SMTN: variants seen among roughly 807,000 people sequenced by gnomAD.
The protein encoded by SMTN is smoothelin.
In SMTN, 58 loss-of-function variants were observed where a neutral mutation model predicts 102.0. The observed-to-expected ratio is 0.57, with a 90% confidence interval of 0.46 to 0.71. The LOEUF is 0.71. Ranked by LOEUF, SMTN falls within the 30% of genes least tolerant of loss-of-function variation. The pLI is 0.00. For missense variants in SMTN, 1,185 were observed against 1,241.7 expected (o/e 0.95, Z 0.69); for synonymous variants, 478 against 497.9 (o/e 0.96, Z 0.53).
At chr22:31,082,372 T>G in intron 1 of SMTN, 1 of 365,674 alleles carries the variant, frequency 2.7e-6, no homozygotes, top group Non-Finnish European at 5.7e-6. Flanking sequence ...TCACTGAGAG[T>G]GTTCCAGGCC....
At chr22:31,084,938 C>T in intron 2 of SMTN, 1 of 1,361,360 alleles carries the variant, frequency 7.3e-7, no homozygotes, top group Non-Finnish European at 9.4e-7. Flanking sequence ...CGGGCTCCTC[C>T]CCGCGGGGCC....
intron 16 of SMTN, among the ~76,000 whole-genome samples, chr22:31,098,228 G>A (rs2043755569): frequency 6.6e-6 from 1 of 152,254 alleles, no homozygotes; most frequent in South Asian, 2.1e-4. Context: ...GTTACTGCCA[G>A]AGGTCTCAGT....
intron 3 of SMTN, 159 bp downstream of exon 3, chr22:31,088,272 G>A: frequency 1.0e-6 from 1 of 957,030 alleles, no homozygotes; most frequent in South Asian, 1.7e-5. Flanking sequence ...GATGTTTGTG[G>A]GCATGGAGCA....
At chr22:31,099,236 T>A (rs762235044) in intron 18 of SMTN, 57 bp downstream of exon 18, 11 of 1,124,836 alleles carry the variant, frequency 9.8e-6, no homozygotes, top group Non-Finnish European at 1.5e-5. Context: ...GCTCAACACC[T>A]CCTTCTTAGC....
At chr22:31,089,293 G>A (rs906635117) in intron 6 of SMTN, among the ~76,000 whole-genome samples, 1 of 152,142 alleles carries the variant, frequency 6.6e-6, no homozygotes, top group Non-Finnish European at 1.5e-5. Flanking sequence ...GGCCATGCAG[G>A]TTCCCCAAGT....
At chr22:31,097,109 T>TC (rs1373047276) in intron 15 of SMTN, 49 bp downstream of exon 15, 21 of 1,573,606 alleles carry the variant, frequency 1.3e-5, no homozygotes, top group Non-Finnish European at 1.8e-5. Flanking sequence ...TCCGCCCACC[T>TC]CCTCCGGCTC....
rs1350650787 is a variant in SMTN at position 31,104,346 on chromosome 22, G to A, written c.*51G>A. 5.0e-6 allele frequency: 8 copies of A among 1,614,090 alleles called. No individual in the cohort carries two copies. Among genetic ancestry groups the A allele is most frequent in the Non-Finnish European group, 6.8e-6 (8 of 1,180,034 alleles). ...TGGTGGACTGTGTGCCCCTGGTGGA[G>A]GTGGACGACATGATGATCATGGGCA... On this transcript the variant is annotated 3_prime_UTR_variant, in exon 21 of 21. Transcript: ENST00000333137.
chr22:31,093,964 C>G, intron 11 of SMTN: 1 of 887,894 alleles, frequency 1.1e-6, no homozygotes, highest in South Asian at 1.7e-5. Flanking sequence ...CTTCTCTGAG[C>G]CTCAGTTTAT....
chr22:31,088,948 A>G lies in SMTN; in HGVS notation c.450A>G (p.Ala150=), dbSNP rs1245335712. 3 of 1,613,726 alleles carry G rather than the reference A, an allele frequency of 1.9e-6. No homozygotes were observed. The highest frequency in any genetic ancestry group is 3.3e-5 in the Admixed American group (2 of 60,024). The change falls in exon 6 of 21, where the codon GCA becomes GCG. Residue 150 remains alanine (A), a synonymous_variant. Transcript: ENST00000333137. ...GAGAGGACAGCAAGGGGCTAGCGGCACACAGGCTGGAACAGTGTGAGGTAA... is the reference window on the plus strand; with the variant it reads ...GAGAGGACAGCAAGGGGCTAGCGGCGCACAGGCTGGAACAGTGTGAGGTAA... ...GSREDSKGLA[A]HRLEQCEVPE...
chr22:31,101,041 G>A lies in SMTN; in HGVS notation c.*12G>A. ...CCAAAAAGTCCTAACCCCTGCTCGG[G>A]GCCCCACGGTGAGAAACGCCGCCTC... On this transcript the variant is annotated 3_prime_UTR_variant, in exon 20 of 21. Transcript: ENST00000333137. The A allele has an allele frequency of 6.3e-7, 1 of 1,599,146 alleles. No individual in the cohort carries two copies. The highest frequency in any genetic ancestry group is 8.5e-7 in the Non-Finnish European group (1 of 1,170,244).
At chr22:31,084,697 T>C (rs936975920) in intron 2 of SMTN, among the ~76,000 whole-genome samples, 3 of 152,210 alleles carry the variant, frequency 2.0e-5, no homozygotes, top group Admixed American at 1.3e-4. Context: ...CTCCCTCTCT[T>C]AAGCGAGGCT....
chr22:31,085,728 A>T (rs1006024974), intron 2 of SMTN, among the ~76,000 whole-genome samples: 15 of 152,176 alleles, frequency 9.9e-5, no homozygotes, highest in Admixed American at 7.2e-4. Context: ...CAGAGGAGAC[A>T]CTGTGGTCCA....
Position 31,091,313 on chromosome 22 carries a change from A to T in SMTN, c.1290A>T (p.Ala430=), listed in dbSNP as rs1602633386. The change falls in exon 10 of 21, where the codon GCA becomes GCT. Residue 430 remains alanine (A), a synonymous_variant. Coordinates refer to ENST00000333137, the MANE Select transcript of SMTN (RefSeq NM_134269.3). ...CTGCTAGGCCCCTTGAAAACAGAGC[A>T]GGGGGGCCTGTGGCACGTTCAGAGG... ...GLAARPLENR[A]GGPVARSEEP... The T allele has an allele frequency of 6.2e-7, 1 of 1,604,430 alleles. No individual in the cohort carries two copies. Among genetic ancestry groups the T allele is most frequent in the Non-Finnish European group, 8.5e-7 (1 of 1,176,954 alleles).
At chr22:31,078,914 C>T (rs932940663), upstream of SMTN, among the ~76,000 whole-genome samples, 1 of 152,176 alleles carries the variant, frequency 6.6e-6, no homozygotes, top group African/African-American at 2.4e-5. Context: ...AAGTGTGACA[C>T]ACAGTTTATA....
intron 1 of SMTN, 93 bp from the exon 2 acceptor site, chr22:31,083,086 T>G: frequency 6.6e-7 from 1 of 1,512,220 alleles, no homozygotes; most frequent in South Asian, 1.2e-5. Context: ...TAATGGACGC[T>G]CCTAGGTTAG....
Position 31,090,835 on chromosome 22 carries a change from G to A in SMTN, c.893G>A (p.Arg298His), listed in dbSNP as rs1325266385. 11 of 1,613,458 alleles carry A rather than the reference G, an allele frequency of 6.8e-6. No homozygotes were observed. In the African/African-American group the frequency reaches 1.1e-4, roughly 16 times the overall value. ...GTGGCTGGACCCCGACCCTGCCAACGCTCCCTGTCGGTGCTCAGCCCCCGC... is the reference window on the plus strand; with the variant it reads ...GTGGCTGGACCCCGACCCTGCCAACACTCCCTGTCGGTGCTCAGCCCCCGC... The part of the protein sequence containing the change: ...ADVAGPRPCQ[R>H]SLSVLSPRQP... Residue 298 changes from arginine (R) to histidine (H), a missense_variant, in exon 9 of 21, where the codon CGC becomes CAC. By Grantham distance (29) the Arg-to-His change is conservative. Around this residue, in one of 2 missense-constraint regions of SMTN, gnomAD observed 1,096 missense variants for 1,112.7 expected, o/e 0.98. Coordinates refer to ENST00000333137, the MANE Select transcript of SMTN (RefSeq NM_134269.3).
rs909300615 is a variant in SMTN at position 31,085,017 on chromosome 22, C to T, written c.51+1708C>T. 20 of 1,496,124 alleles carry T rather than the reference C, an allele frequency of 1.3e-5. No individual in the cohort carries two copies. In the East Asian group the frequency reaches 2.3e-4, roughly 17 times the overall value. The allele number at this position is 1,496,124 out of a possible 1,614,324, so 92.7% of individuals were successfully genotyped here. A position where few individuals can be genotyped will look rare whatever the true frequency, so the allele number is the denominator to read the frequency against. ...CCCCAGCGTCTGGCCGATTTGGGGA[C>T]GCGGGCAGTCGCTTCCGGCCCCGGC... On this transcript the variant is annotated intron_variant, in intron 2 of 20. Transcript: ENST00000333137.
At chr22:31,088,437 C>T in intron 3 of SMTN, 76 bp from the exon 4 acceptor site, 3 of 1,326,756 alleles carry the variant, frequency 2.3e-6, no homozygotes, top group Admixed American at 1.8e-5. Flanking sequence ...GTACTCTGTT[C>T]TGGCTCCTAC....
intron 20 of SMTN, chr22:31,101,374 A>C (rs1167441242): frequency 3.8e-6 from 1 of 261,462 alleles, no homozygotes; most frequent in African/African-American, 2.1e-5. Context: ...AGGGAGAGGG[A>C]GTTCCAGGCA....
Sources: allele counts gnomAD v4.1 joint callset (sites outside exome capture counted in the v4.1 genomes callset), GRCh38; gene constraint gnomAD v4.1.1; regional missense constraint gnomAD v4.1.1; transcripts MANE v1.5; gene names NCBI Gene and HGNC (gene_info 2026-07-23, HGNC 2026-07-21).